The following MROH9 variants were observed in gnomAD, a reference collection of about 807,000 sequenced individuals.
The protein encoded by MROH9 is maestro heat like repeat family member 9, also known as maestro heat-like repeat-containing protein family member 9.
A neutral mutation model predicts 98.2 loss-of-function variants in MROH9; 92 were observed. The observed-to-expected ratio is 0.94, with a 90% CI of 0.79 to 1.11. MROH9 has a LOEUF of 1.11. MROH9 is among the 50% of genes most tolerant of loss of function. The pLI, the probability that MROH9 is intolerant of heterozygous loss-of-function variation, is 0.00. For missense variants in MROH9, 1,057 were observed against 1,014.8 expected (o/e 1.04, Z -0.57); for synonymous variants, 397 against 368.9 (o/e 1.08, Z -0.87).
chr1:170,998,062 G>A, intron 14 of MROH9, 92 bp from the exon 15 acceptor site: 1 of 914,428 alleles, frequency 1.1e-6, no homozygotes, highest in Non-Finnish European at 1.7e-6. Context: ...TCATCTGGGA[G>A]GTGCAAGATA....
intron 3 of MROH9, among the ~76,000 whole-genome samples, chr1:170,953,869 G>GAA (rs1304271093): frequency 1.4e-4 from 11 of 81,076 alleles, no homozygotes; most frequent in Admixed American, 8.3e-4. Flanking sequence ...GAAAGAGAGA[G>GAA]AGAGAGAGAG....
chr1:171,057,235 C>A (rs1920141), intron 20 of MROH9, among the ~76,000 whole-genome samples: 9,964 of 152,172 alleles, frequency 0.065, 1,092 homozygotes, highest in African/African-American at 0.23. Context: ...GTTAGAGGAG[C>A]TGCTAACTAG....
chr1:170,986,840 G>T, intron 10 of MROH9, 130 bp downstream of exon 10: 1 of 1,080,286 alleles, frequency 9.3e-7, no homozygotes, highest in Non-Finnish European at 1.3e-6. Context: ...TCAATATAAT[G>T]AGGCTTTTGG....
intron 10 of MROH9, 21 bp from the exon 11 acceptor site, chr1:170,989,834 C>A: frequency 3.2e-6 from 5 of 1,581,200 alleles, no homozygotes; most frequent in Non-Finnish European, 4.3e-6. Flanking sequence ...TTCTTGTTTA[C>A]CTGTGGAATT....
intron 11 of MROH9, 49 bp downstream of exon 11, chr1:170,990,052 C>T: frequency 6.5e-7 from 1 of 1,545,480 alleles, no homozygotes; most frequent in Non-Finnish European, 8.8e-7. Context: ...TGTTCACAGG[C>T]TGCACTGTCA....
intron 20 of MROH9, among the ~76,000 whole-genome samples, chr1:171,054,567 A>T (rs1653770430): frequency 6.6e-6 from 1 of 152,224 alleles, no homozygotes; most frequent in Non-Finnish European, 1.5e-5. Context: ...AGCAAAAGAA[A>T]TAATCAGCAG....
intron 11 of MROH9, among the ~76,000 whole-genome samples, chr1:170,991,819 A>G (rs541007456): frequency 6.6e-6 from 1 of 152,252 alleles, no homozygotes; most frequent in South Asian, 2.1e-4. Flanking sequence ...TTCCTGAACA[A>G]ACAAAGTCAC....
intron 20 of MROH9, among the ~76,000 whole-genome samples, chr1:171,046,098 T>C (rs539930709): frequency 6.6e-6 from 1 of 152,326 alleles, no homozygotes; most frequent in Admixed American, 6.5e-5. Flanking sequence ...TCTTTTCTGA[T>C]ATAAGTATAG....
chr1:170,984,688 G>A (rs1307359852), intron 9 of MROH9, among the ~76,000 whole-genome samples: 1 of 152,162 alleles, frequency 6.6e-6, no homozygotes, highest in Admixed American at 6.5e-5. Context: ...TTGCTTATCT[G>A]AGTTTAATGT....
chr1:171,056,618 C>A (rs1653845631), intron 20 of MROH9, among the ~76,000 whole-genome samples: 1 of 152,152 alleles, frequency 6.6e-6, no homozygotes, highest in Non-Finnish European at 1.5e-5. Context: ...ACCCCTGCAC[C>A]AAGGGTCAGT....
At chr1:170,943,130 TA>T (rs1167724539) in intron 1 of MROH9, among the ~76,000 whole-genome samples, 1 of 151,896 alleles carries the variant, frequency 6.6e-6, no homozygotes, top group Non-Finnish European at 1.5e-5. Flanking sequence ...AGTAGAAAAT[TA>T]AAAAAATCAA....
Position 170,980,830 on chromosome 1 carries a change from G to A in MROH9, c.617-2592G>A, listed in dbSNP as rs545246980. ...AAGAAACTATTATCAGAGTGAATAA[G>A]CAACCTACAGAATGGGAGAAAATGT... On this transcript the variant is annotated intron_variant, in intron 8 of 21. Transcript: ENST00000367759. 2.3e-3 allele frequency among the ~76,000 whole-genome samples: 346 copies of A among 152,218 alleles called. 2 individuals carry two copies. The highest frequency in any genetic ancestry group is 3.9e-3 in the Non-Finnish European group (264 of 67,984).
chr1:170,950,544 T>C (rs950019829), intron 3 of MROH9, among the ~76,000 whole-genome samples: 3 of 152,046 alleles, frequency 2.0e-5, no homozygotes, highest in Admixed American at 2.0e-4. Flanking sequence ...ATTCTATTGC[T>C]AGGAGAATGC....
At chr1:170,966,957 C>G (rs1650257824) in intron 7 of MROH9, among the ~76,000 whole-genome samples, 1 of 152,128 alleles carries the variant, frequency 6.6e-6, no homozygotes, top group Admixed American at 6.6e-5. Context: ...AGAGCCTAGT[C>G]ACATGTTTCT....
intron 8 of MROH9, among the ~76,000 whole-genome samples, chr1:170,974,050 T>G (rs1193733224): frequency 6.6e-6 from 1 of 152,126 alleles, no homozygotes; most frequent in Non-Finnish European, 1.5e-5. Context: ...TGGCATGGAT[T>G]AACAAAAACT....
intron 20 of MROH9, among the ~76,000 whole-genome samples, chr1:171,033,458 G>A (rs1056247617): frequency 3.3e-5 from 5 of 152,212 alleles, no homozygotes; most frequent in African/African-American, 1.2e-4. Context: ...ACAGTTTCCT[G>A]GATGGGTAGC....
intron 20 of MROH9, among the ~76,000 whole-genome samples, chr1:171,044,487 T>C (rs1653401595): frequency 6.6e-6 from 1 of 152,178 alleles, no homozygotes; most frequent in South Asian, 2.1e-4. Context: ...AGAATGATAT[T>C]GGAAGTATAC....
chr1:170,981,743 TAA>T (rs199565527), intron 8 of MROH9, among the ~76,000 whole-genome samples: 1 of 126,514 alleles, frequency 7.9e-6, no homozygotes, highest in African/African-American at 3.0e-5. Context: ...TTAGAAGAAA[TAA>T]AAAAAAAAAA....
chr1:170,942,036 T>A (rs1489671084), intron 1 of MROH9, among the ~76,000 whole-genome samples: 1 of 152,200 alleles, frequency 6.6e-6, no homozygotes, highest in East Asian at 1.9e-4. Flanking sequence ...GAATCTCTGC[T>A]TAGTGAGCCC....
Sources: allele counts gnomAD v4.1 joint callset (sites outside exome capture counted in the v4.1 genomes callset), GRCh38; gene constraint gnomAD v4.1.1; transcripts MANE v1.5; gene names NCBI Gene and HGNC (gene_info 2026-07-23, HGNC 2026-07-21).